DLGAP5: variants seen among roughly 807,000 people sequenced by gnomAD.
The protein encoded by DLGAP5 is disks large-associated protein 5.
DLGAP5 carries 90 observed loss-of-function variants against 99.6 expected under a neutral mutation model. That is an observed-to-expected ratio of 0.90 (90% CI 0.76 to 1.08). The LOEUF (loss-of-function observed/expected upper bound fraction) is 1.08. Ranked by LOEUF, DLGAP5 falls within the 50% of genes least tolerant of loss-of-function variation. The probability of loss-of-function intolerance (pLI) is 0.00; values close to 1 mark genes in which losing one functional copy is unlikely to be tolerated. For synonymous variants in DLGAP5, 311 were observed against 321.3 expected, an observed-to-expected ratio of 0.97 and a Z score of 0.34; for missense variants, 1,036 against 983.5, an observed-to-expected ratio of 1.05 and a Z score of -0.71.
chr14:55,151,559 T>A, intron 17 of DLGAP5, 136 bp downstream of exon 17: 3 of 969,620 alleles, frequency 3.1e-6, no homozygotes, highest in Non-Finnish European at 4.4e-6. Context: ...TTGTTCTAAT[T>A]CAGGGTCTTC....
At chr14:55,177,658 C>T (rs1483192051) in intron 7 of DLGAP5, among the ~76,000 whole-genome samples, 1 of 151,902 alleles carries the variant, frequency 6.6e-6, no homozygotes, top group African/African-American at 2.4e-5. Flanking sequence ...CTGCCTCAGC[C>T]TCCCAAGTAG....
chr14:55,163,300 A>G (rs918993102), intron 12 of DLGAP5, among the ~76,000 whole-genome samples: 5 of 152,262 alleles, frequency 3.3e-5, no homozygotes, highest in African/African-American at 1.2e-4. Flanking sequence ...AATATCATAC[A>G]TGAATAACTC....
chr14:55,152,533 T>C, intron 16 of DLGAP5, 57 bp downstream of exon 16: 1 of 1,336,532 alleles, frequency 7.5e-7, no homozygotes, highest in Non-Finnish European at 1.0e-6. Flanking sequence ...TTACTTTCTA[T>C]AATGATATAA....
In DLGAP5 at chr14:55,169,506, T is replaced by C. The variant is rs1278276033; in HGVS notation, c.1441A>G (p.Arg481Gly). Residue 481 changes from arginine to glycine, a missense_variant, in exon 12 of 19, where the codon AGG becomes GGG. Arg to Gly is a moderately radical substitution (Grantham distance 125). Transcript: ENST00000247191. ...ACCAGTCCTTCAAACTGTTTAAACC[T>C]TTCCTTCATAAGGAGTCTTGTTTGA... The part of the protein sequence containing the change: ...VGQTRLLMKE[R>G]FKQFEGLVDD... The C allele has an allele frequency of 1.9e-6, 3 of 1,611,310 alleles. No homozygotes were observed. The highest frequency in any genetic ancestry group is 2.5e-6 in the Non-Finnish European group (3 of 1,179,138).
At position 55,183,740 on chromosome 14, in the gene DLGAP5, A is replaced by G; in HGVS notation, c.252T>C (p.Thr84=). ...TCTGTTTTCGTTGATCACCTAGAAT[A>G]GTTTTCATTGCCCCTAGGCAGAAAA... ...KTNVKPRAMK[T]ILGDQRKQML... Residue 84 remains threonine (T), a synonymous_variant, in exon 3 of 19, where the codon ACT becomes ACC. Transcript: ENST00000247191. The G allele has an allele frequency of 1.3e-6, 2 of 1,593,388 alleles. No homozygotes were observed. Among genetic ancestry groups the G allele is most frequent in the Non-Finnish European group, 1.7e-6 (2 of 1,171,662 alleles).
At position 55,177,320 on chromosome 14, in the gene DLGAP5, A is replaced by G; in HGVS notation, c.791T>C (p.Val264Ala). The change falls in exon 8 of 19, where the codon GTC (valine) becomes GCC (alanine). Residue 264 changes from valine (V) to alanine (A), a missense_variant. Coordinates refer to ENST00000247191, the MANE Select transcript of DLGAP5 (RefSeq NM_014750.5). ...TKPDKGISCKVDSEENTLNSQ... is the reference protein window; with the variant it reads ...TKPDKGISCKADSEENTLNSQ... ...ATTCAAAGTATTTTCTTCACTATCGACTTTACAAGAAATACCCTAGGATGT... is the reference window on the plus strand; with the variant it reads ...ATTCAAAGTATTTTCTTCACTATCGGCTTTACAAGAAATACCCTAGGATGT... 6.2e-7 allele frequency: 1 copy of G among 1,600,752 alleles called. No individual in the cohort carries two copies. Among genetic ancestry groups the G allele is most frequent in the East Asian group, 2.2e-5 (1 of 44,594 alleles).
chr14:55,188,927 C>G lies in DLGAP5; in HGVS notation c.238+15G>C, dbSNP rs757813773. The G allele has an allele frequency of 1.3e-6, 2 of 1,597,400 alleles. No individual in the cohort carries two copies. Among genetic ancestry groups the G allele is most frequent in the Admixed American group, 3.4e-5 (2 of 58,828 alleles). ...CTCTTCAAAGTACTTAAAATTACAA[C>G]AGACCTTTACTTACTTGGCTTAACA... On this transcript the variant is annotated intron_variant, in intron 2 of 18. Transcript: ENST00000247191.
chr14:55,161,310 G>T (rs1458254638), intron 13 of DLGAP5, among the ~76,000 whole-genome samples: 1 of 151,444 alleles, frequency 6.6e-6, no homozygotes, highest in African/African-American at 2.4e-5. Context: ...TAATAATGAA[G>T]TAGCATCCTT....
At chr14:55,170,828 T>C (rs1240771132) in intron 10 of DLGAP5, 41 bp from the exon 11 acceptor site, 9 of 1,417,258 alleles carry the variant, frequency 6.4e-6, no homozygotes, top group Non-Finnish European at 8.0e-6. Flanking sequence ...AAGTGGTTTT[T>C]ACACTAGTAG....
intron 5 of DLGAP5, 131 bp from the exon 6 acceptor site, chr14:55,180,909 G>A (rs1883250796): frequency 2.5e-6 from 3 of 1,212,982 alleles, no homozygotes. Context: ...TTCAGCCCAG[G>A]AGTTCGAAAC....
chr14:55,154,800 GAAAGTCCTAGA>G lies in DLGAP5; in HGVS notation c.1874-5_1879del. 6.2e-7 allele frequency: 1 copy of G among 1,613,646 alleles called. No homozygotes were observed. Among genetic ancestry groups the G allele is most frequent in the Non-Finnish European group, 8.5e-7 (1 of 1,179,882 alleles). ...TTGAGAAGGGCCTTCAGAAGAGACA[GAAAGTCCTAGA>G]AGATGAGAGAAATCACCTCAATACC... On this transcript the variant is annotated splice_acceptor_variant and splice_polypyrimidine_tract_variant and coding_sequence_variant and intron_variant, in exon 15 of 19. Coordinates refer to ENST00000247191, the MANE Select transcript of DLGAP5 (RefSeq NM_014750.5). LOFTEE classifies it high-confidence loss of function.
intron 8 of DLGAP5, among the ~76,000 whole-genome samples, chr14:55,176,745 G>T (rs1353120405): frequency 2.6e-5 from 4 of 151,958 alleles, no homozygotes; most frequent in African/African-American, 4.8e-5. Context: ...TTGGGAGGCC[G>T]AGGCGGGCGG....
rs114535593 is a variant in DLGAP5 at position 55,184,641 on chromosome 14, C to T, written c.239-888G>A. Among the ~76,000 whole-genome samples the T allele has an allele frequency of 1.6e-3, 241 of 152,228 alleles. 2 individuals carry two copies. Among genetic ancestry groups the T allele is most frequent in the African/African-American group, 5.5e-3 (230 of 41,534 alleles). ...TTTGCCTTGCTCTCTCTTGAAGCGT[C>T]GCTTGCTCTGGGAGAAGCCAGGTGC... On this transcript the variant is annotated intron_variant, in intron 2 of 18. Transcript: ENST00000247191.
At chr14:55,154,528 A>T in intron 15 of DLGAP5, 89 bp downstream of exon 15, 1 of 1,074,834 alleles carries the variant, frequency 9.3e-7, no homozygotes, top group Non-Finnish European at 1.4e-6. Context: ...TTAAAAATAT[A>T]TGTCTGGCAC....
In DLGAP5 at chr14:55,151,768, C is replaced by T; in HGVS notation, c.2295G>A (p.Met765Ile). ...AAGCTGTATTTTTTTCAGGGCTACT[C>T]ATCAAAACATCCTGTGATGTAATTG... is the stretch of plus-strand genomic sequence containing the variant. ...NSSITSQDVL[M>I]SSPEKNTASQ... Residue 765 changes from methionine to isoleucine, a missense_variant, in exon 17 of 19, where the codon ATG becomes ATA. Physicochemically the swap from Met to Ile is conservative, Grantham distance 10. Coordinates refer to ENST00000247191, the MANE Select transcript of DLGAP5 (RefSeq NM_014750.5). The T allele has an allele frequency of 6.2e-7, 1 of 1,613,900 alleles. No individual in the cohort carries two copies. Among genetic ancestry groups the T allele is most frequent in the Non-Finnish European group, 8.5e-7 (1 of 1,179,926 alleles).
rs766248952 is a variant in DLGAP5 at position 55,183,761 on chromosome 14, G to GA, written c.239-9dup. On this transcript the variant is annotated splice_polypyrimidine_tract_variant and intron_variant, in intron 2 of 18. Coordinates refer to ENST00000247191, the MANE Select transcript of DLGAP5 (RefSeq NM_014750.5). Reference sequence around the variant, plus strand: ...GAATAGTTTTCATTGCCCCTAGGCAGAAAAAAAACCAAAACCACACAGTAT... The same window carrying GA: ...GAATAGTTTTCATTGCCCCTAGGCAGAAAAAAAAACCAAAACCACACAGTAT... 3.6e-5 allele frequency: 55 copies of GA among 1,547,082 alleles called. No individual in the cohort carries two copies. The highest frequency in any genetic ancestry group is 1.8e-4 in the Middle Eastern group (1 of 5,496).
chr14:55,172,706 G>A (rs1019531792), intron 10 of DLGAP5, among the ~76,000 whole-genome samples: 4 of 151,926 alleles, frequency 2.6e-5, no homozygotes, highest in African/African-American at 9.7e-5. Flanking sequence ...GCAGAGGGTC[G>A]GGCACGGTGG....
chr14:55,182,406 T>C lies in DLGAP5; in HGVS notation c.459A>G (p.Thr153=). The change falls in exon 4 of 19, where the codon ACA becomes ACG. Residue 153 remains threonine (T), a synonymous_variant. Transcript: ENST00000247191. ...CCATTTGGTCTTTGGCCTTTGACCT[T>C]GTAATCCGTACAGAAGATGGAATAG... The part of the protein sequence containing the change: ...KKAIPSSVRI[T]RSKAKDQMEQ... The C allele has an allele frequency of 1.2e-6, 2 of 1,613,002 alleles. No homozygotes were observed. Among genetic ancestry groups the C allele is most frequent in the Non-Finnish European group, 8.5e-7 (1 of 1,179,264 alleles).
chr14:55,188,044 A>C (rs1478803919), intron 2 of DLGAP5, among the ~76,000 whole-genome samples: 5 of 152,188 alleles, frequency 3.3e-5, no homozygotes, highest in Admixed American at 6.5e-5. Flanking sequence ...CTTTAATTTG[A>C]AAGATTTTTG....
Sources: allele counts gnomAD v4.1 joint callset (sites outside exome capture counted in the v4.1 genomes callset), GRCh38; gene constraint gnomAD v4.1.1; transcripts MANE v1.5; gene names NCBI Gene and HGNC (gene_info 2026-07-23, HGNC 2026-07-21).